Variants in CDH4 observed in about 807,000 individuals in gnomAD.
The protein encoded by CDH4 is cadherin-4.
Under a neutral mutation model 86.0 loss-of-function variants are expected in CDH4, and 33 were observed. The observed-to-expected ratio is 0.38, with a 90% CI of 0.29 to 0.51. CDH4 has a LOEUF of 0.51. Among genes scored for constraint, CDH4 ranks in the 20% least tolerant of loss-of-function variants. The probability of loss-of-function intolerance (pLI) is 0.86; values close to 1 mark genes in which losing one functional copy is unlikely to be tolerated. For missense variants in CDH4, 1,114 were observed against 1,307.4 expected (o/e 0.85, Z 2.28); for synonymous variants, 555 against 549.4 (o/e 1.01, Z -0.14).
At chr20:61,831,726 G>T (rs35071831) in intron 4 of CDH4, among the ~76,000 whole-genome samples, 1 of 152,116 alleles carries the variant, frequency 6.6e-6, no homozygotes, top group South Asian at 2.1e-4. Context: ...GGGCGGGGTG[G>T]GGGGACAGGG....
intron 9 of CDH4, among the ~76,000 whole-genome samples, chr20:61,915,580 G>A (rs989663722): frequency 5.3e-5 from 8 of 152,210 alleles, no homozygotes; most frequent in Non-Finnish European, 1.0e-4. Context: ...AGGAACAAAC[G>A]GGAGATCCAT....
At chr20:61,861,127 C>T (rs1221931891) in intron 6 of CDH4, among the ~76,000 whole-genome samples, 1 of 152,206 alleles carries the variant, frequency 6.6e-6, no homozygotes, top group Admixed American at 6.5e-5. Context: ...TCCCAAGAAC[C>T]GCACTGGACG....
chr20:61,356,359 C>A (rs2084750399), intron 2 of CDH4, among the ~76,000 whole-genome samples: 1 of 152,210 alleles, frequency 6.6e-6, no homozygotes, highest in Non-Finnish European at 1.5e-5. Context: ...TGCTGTTTCC[C>A]AGAGTGTCCA....
intron 2 of CDH4, among the ~76,000 whole-genome samples, chr20:61,669,531 C>T (rs1293057579): frequency 6.6e-6 from 1 of 152,174 alleles, no homozygotes; most frequent in Non-Finnish European, 1.5e-5. Flanking sequence ...ATGCCTCAGC[C>T]CCTGTTTTCA....
intron 2 of CDH4, among the ~76,000 whole-genome samples, chr20:61,498,209 T>TAAA (rs112703046): frequency 1.3e-4 from 19 of 144,426 alleles, no homozygotes; most frequent in African/African-American, 3.8e-4. Context: ...AGTATAATAA[T>TAAA]AAAAAAAAAA....
chr20:61,381,055 G>T (rs2084897667), intron 2 of CDH4, among the ~76,000 whole-genome samples: 1 of 152,212 alleles, frequency 6.6e-6, no homozygotes, highest in African/African-American at 2.4e-5. Flanking sequence ...GTGTTATTTT[G>T]CAAGGGAAGG....
rs73611518 is a variant in CDH4 at position 61,366,391 on chromosome 20, G to A, written c.169+111454G>A. 6.3e-3 allele frequency among the ~76,000 whole-genome samples: 957 copies of A among 152,258 alleles called. 3 individuals are homozygous for A. Among genetic ancestry groups the A allele is most frequent in the African/African-American group, 0.012 (491 of 41,544 alleles). On this transcript the variant is annotated intron_variant, in intron 2 of 15. Coordinates refer to ENST00000614565, the MANE Select transcript of CDH4 (RefSeq NM_001794.5). The stretch of plus-strand genomic sequence containing the variant: ...GGGAGGTGCCAAGACCAGCTCGGTC[G>A]GGGAGACCCTAACCCAGCGGTGCTA...
intron 2 of CDH4, among the ~76,000 whole-genome samples, chr20:61,474,862 G>A (rs2085525944): frequency 6.6e-6 from 1 of 152,094 alleles, no homozygotes; most frequent in South Asian, 2.1e-4. Flanking sequence ...AGATTTTATA[G>A]CATTATTGAG....
chr20:61,742,271 C>T (rs17810503), intron 2 of CDH4, among the ~76,000 whole-genome samples: 5,007 of 152,190 alleles, frequency 0.033, 156 homozygotes, highest in Admixed American at 0.077. Flanking sequence ...CTCTGTTGAA[C>T]CAGACAGGGT....
At chr20:61,414,592 A>G (rs1278589045) in intron 2 of CDH4, among the ~76,000 whole-genome samples, 1 of 152,140 alleles carries the variant, frequency 6.6e-6, no homozygotes, top group African/African-American at 2.4e-5. Flanking sequence ...AATAATGCTC[A>G]CTATTGTTGC....
chr20:61,611,241 C>G (rs1394679037), intron 2 of CDH4, among the ~76,000 whole-genome samples: 1 of 152,016 alleles, frequency 6.6e-6, no homozygotes, highest in Non-Finnish European at 1.5e-5. Context: ...GAGGGTGGGG[C>G]AAAAAGTTCC....
At chr20:61,652,955 T>TTTTTTTTTTTTTTTTTTTTTTA in intron 2 of CDH4, among the ~76,000 whole-genome samples, 1 of 122,934 alleles carries the variant, frequency 8.1e-6, no homozygotes, top group African/African-American at 2.7e-5. Context: ...TTTTTTTTTT[T>TTTTTTTTTTTTTTTTTTTTTTA]ATTGATCATT....
chr20:61,297,577 G>A (rs2084362924), intron 2 of CDH4, among the ~76,000 whole-genome samples: 1 of 152,242 alleles, frequency 6.6e-6, no homozygotes, highest in South Asian at 2.1e-4. Flanking sequence ...CAACTCCTGA[G>A]GGCTGGGCAG....
chr20:61,587,327 GTCTGGTTTCTACCA>G (rs990304191), intron 2 of CDH4, among the ~76,000 whole-genome samples: 2 of 152,120 alleles, frequency 1.3e-5, no homozygotes, highest in African/African-American at 4.8e-5. Context: ...CACCTCTGCC[GTCTGGTTTCTACCA>G]TCTTCCTCAT....
chr20:61,483,158 T>C (rs2085577275), intron 2 of CDH4, among the ~76,000 whole-genome samples: 1 of 152,096 alleles, frequency 6.6e-6, no homozygotes, highest in Non-Finnish European at 1.5e-5. Context: ...GGAACACTAG[T>C]GGTAGTGAAG....
At chr20:61,913,782 G>T (rs545566855) in intron 9 of CDH4, among the ~76,000 whole-genome samples, 4 of 152,228 alleles carry the variant, frequency 2.6e-5, no homozygotes, top group Non-Finnish European at 5.9e-5. Context: ...TGGCAGGTGG[G>T]TGGGGCATGA....
chr20:61,769,103 C>G (rs1037307663), intron 3 of CDH4, among the ~76,000 whole-genome samples: 2 of 152,182 alleles, frequency 1.3e-5, no homozygotes, highest in Non-Finnish European at 2.9e-5. Context: ...TCCCCTCGCC[C>G]TCATCTGGGA....
Position 61,709,590 on chromosome 20 carries a change from A to ATTT in CDH4, c.170-33962_170-33960dup, listed in dbSNP as rs5842362. 6.7e-6 allele frequency among the ~76,000 whole-genome samples: 1 copy of ATTT among 148,168 alleles called. No homozygotes were observed. Among genetic ancestry groups the ATTT allele is most frequent in the African/African-American group, 2.5e-5 (1 of 40,272 alleles). ...TGTGCCTGGCAATTTTTGAATGACA[A>ATTT]TTTTTTTTTTTTTATCGCTGGCTAA... On this transcript the variant is annotated intron_variant, in intron 2 of 15. Transcript: ENST00000614565. This position sits in a 1 kb window ranked among gnomAD's most constrained non-coding sequence, Gnocchi z 4.8.
At chr20:61,916,596 C>T (rs1446465226) in intron 9 of CDH4, among the ~76,000 whole-genome samples, 1 of 152,208 alleles carries the variant, frequency 6.6e-6, no homozygotes, top group African/African-American at 2.4e-5. Flanking sequence ...GGCTCCTGAT[C>T]ATTCTCCCTG....
Sources: gnomAD v4.1 joint callset for allele counts (sites outside exome capture counted in the v4.1 genomes callset) on GRCh38, gnomAD v4.1.1 for gene constraint, Gnocchi (gnomAD v3.1) non-coding constraint, MANE v1.5 for transcripts, NCBI Gene and HGNC (gene_info 2026-07-23, HGNC 2026-07-21) for gene names.